GOLGA4: variants seen among roughly 807,000 people sequenced by gnomAD.
GOLGA4 encodes golgin A4, also known as golgin subfamily A member 4.
In GOLGA4, 169 loss-of-function variants were observed where a neutral mutation model predicts 265.9. The ratio of observed to expected loss-of-function variants is 0.64; its 90% confidence interval spans 0.56 to 0.72. GOLGA4 has a LOEUF of 0.72. Ranked by LOEUF, GOLGA4 falls within the 30% of genes least tolerant of loss-of-function variation. GOLGA4 has a pLI of 0.00. For missense variants in GOLGA4, 2,482 were observed against 2,483.4 expected (o/e 1.00, Z 0.01); for synonymous variants, 923 against 855.8 (o/e 1.08, Z -1.37).
At chr3:37,347,792 T>G (rs997076597) in intron 21 of GOLGA4, among the ~76,000 whole-genome samples, 1 of 152,200 alleles carries the variant, frequency 6.6e-6, no homozygotes, top group Non-Finnish European at 1.5e-5. Context: ...GTAATAATGC[T>G]TGGCTAATTT....
At chr3:37,277,774 G>A (rs1399654764) in intron 2 of GOLGA4, among the ~76,000 whole-genome samples, 1 of 151,656 alleles carries the variant, frequency 6.6e-6, no homozygotes, top group African/African-American at 2.4e-5. Flanking sequence ...GGTTCCCTAG[G>A]GTACACTTGC....
At chr3:37,328,330 C>T (rs1393523676) in intron 14 of GOLGA4, 86 bp from the exon 15 acceptor site, 1 of 1,273,868 alleles carries the variant, frequency 7.9e-7, no homozygotes, top group African/African-American at 1.5e-5. Context: ...TGAACTCATA[C>T]TGTATGCACT....
rs769526006 is a variant in GOLGA4, at chr3:37,324,473, G to T, written c.2587G>T (p.Val863Leu). ...CTELDAHKIQ[V>L]QDLMQQLEKQ... is the part of the protein sequence containing the mutation. ...TGAGTTAGATGCTCACAAAATCCAG[G>T]TGCAGGACTTAATGCAGCAACTTGA... The change falls in exon 14 of 24, where the codon GTG (valine) becomes TTG (leucine). Residue 863 changes from valine (V) to leucine (L), a missense_variant. Physicochemically the swap from Val to Leu is conservative, Grantham distance 32. Around this residue, in one of 3 missense-constraint regions of GOLGA4, gnomAD observed 1,536 missense variants for 1,483.7 expected, o/e 1.04. Transcript: ENST00000361924. The T allele has an allele frequency of 6.2e-7, 1 of 1,613,992 alleles. No homozygotes were observed. The highest frequency in any genetic ancestry group is 1.3e-5 in the African/African-American group (1 of 74,920).
In GOLGA4 at chr3:37,324,534, C is replaced by A. The variant is rs1227868610; in HGVS notation, c.2648C>A (p.Ser883Tyr). 2 of 1,613,652 alleles carry A rather than the reference C, an allele frequency of 1.2e-6. No homozygotes were observed. The highest frequency in any genetic ancestry group is 1.7e-6 in the Non-Finnish European group (2 of 1,179,914). ...QNSEMEQKVK[S>Y]LTQVYESKLE... ...AGTGAAATGGAGCAAAAAGTAAAAT[C>A]TTTAACCCAAGTCTATGAGTCCAAA... Residue 883 changes from serine (S) to tyrosine (Y), a missense_variant, in exon 14 of 24, where the codon TCT becomes TAT. By Grantham distance (144) the Ser-to-Tyr change is moderately radical. This residue lies in a region of GOLGA4 where 1,536 missense variants were observed against 1,483.7 expected (regional missense o/e 1.04). Transcript: ENST00000361924.
chr3:37,297,500 A>G (rs189206669), intron 7 of GOLGA4, among the ~76,000 whole-genome samples: 23 of 152,364 alleles, frequency 1.5e-4, no homozygotes, highest in Non-Finnish European at 2.4e-4. Context: ...AATTTTGAAT[A>G]ACAAAAGATG....
At chr3:37,298,567 C>G (rs186507240) in intron 7 of GOLGA4, among the ~76,000 whole-genome samples, 2 of 152,284 alleles carry the variant, frequency 1.3e-5, no homozygotes, top group African/African-American at 2.4e-5. Flanking sequence ...ATTTGTTAGT[C>G]CTACAAAGGC....
intron 9 of GOLGA4, among the ~76,000 whole-genome samples, chr3:37,300,507 A>G (rs982123252): frequency 4.6e-5 from 7 of 151,968 alleles, no homozygotes; most frequent in African/African-American, 1.5e-4. Flanking sequence ...AAATATTATA[A>G]TGAAGAACTT....
intron 10 of GOLGA4, among the ~76,000 whole-genome samples, chr3:37,308,227 C>CT (rs2096912721): frequency 6.7e-6 from 1 of 150,006 alleles, no homozygotes; most frequent in Non-Finnish European, 1.5e-5. Flanking sequence ...GAACGAAACT[C>CT]TGTCTCAAAA....
chr3:37,252,323 T>C lies in GOLGA4; in HGVS notation c.162+839T>C, dbSNP rs550110762. ...TTTGGTATTTGCTTGCTTCCTTTTTTTTTTTTTTTTTAATAGTTTTACCTC... is the reference window on the plus strand; with the variant it reads ...TTTGGTATTTGCTTGCTTCCTTTTTCTTTTTTTTTTTAATAGTTTTACCTC... On this transcript the variant is annotated intron_variant, in intron 2 of 23. Transcript: ENST00000361924. Among the ~76,000 whole-genome samples the C allele has an allele frequency of 5.9e-5, 9 of 151,960 alleles. No homozygotes were observed. In the South Asian group the frequency reaches 1.9e-3, roughly 32 times the overall value.
In GOLGA4 at chr3:37,335,140, C is replaced by T; in HGVS notation, c.6280C>T (p.Gln2094Ter). The T allele has an allele frequency of 6.3e-7, 1 of 1,597,494 alleles. No individual in the cohort carries two copies. The highest frequency in any genetic ancestry group is 8.6e-7 in the Non-Finnish European group (1 of 1,167,494). The change falls in exon 17 of 24, where the codon CAG becomes TAG. Residue 2094 changes from glutamine to a stop codon, truncating the protein, a stop_gained. Coordinates refer to ENST00000361924, the MANE Select transcript of GOLGA4 (RefSeq NM_002078.5). LOFTEE classifies it high-confidence loss of function. Reference protein sequence around the residue: ...LQKKYQQKLEQEENPGNDNVT... With the variant: ...LQKKYQQKLE ...GAAGAAATACCAGCAAAAGCTAGAG[C>T]AGGAGGAGAACCCTGGCAATGATAA...
chr3:37,263,237 G>A (rs2096774772), intron 2 of GOLGA4, among the ~76,000 whole-genome samples: 1 of 152,190 alleles, frequency 6.6e-6, no homozygotes, highest in African/African-American at 2.4e-5. Flanking sequence ...GCTCTACCAT[G>A]TATCCTAGGT....
chr3:37,250,788 G>A (rs1348968747), intron 1 of GOLGA4, among the ~76,000 whole-genome samples: 3 of 151,942 alleles, frequency 2.0e-5, no homozygotes, highest in Admixed American at 1.3e-4. Flanking sequence ...GTTTTTTTGC[G>A]CTGAGGGTTA....
intron 21 of GOLGA4, among the ~76,000 whole-genome samples, chr3:37,353,783 G>A (rs2097082271): frequency 6.6e-6 from 1 of 151,832 alleles, no homozygotes; most frequent in African/African-American, 2.4e-5. Context: ...TAGAGATGGG[G>A]GTCTCACTAT....
intron 2 of GOLGA4, among the ~76,000 whole-genome samples, chr3:37,261,598 CA>C (rs2096770077): frequency 1.3e-5 from 2 of 152,142 alleles, no homozygotes; most frequent in African/African-American, 4.8e-5. Context: ...TCATTGTATA[CA>C]GGCATTTGGA....
At chr3:37,323,270 C>G (rs1276814085) in intron 13 of GOLGA4, among the ~76,000 whole-genome samples, 2 of 151,772 alleles carry the variant, frequency 1.3e-5, no homozygotes, top group Non-Finnish European at 2.9e-5. Context: ...GGGACTACAG[C>G]CGCATGCTAC....
chr3:37,266,048 ATTT>A (rs149370638), intron 2 of GOLGA4, among the ~76,000 whole-genome samples: 1 of 142,802 alleles, frequency 7.0e-6, no homozygotes, highest in East Asian at 2.0e-4. Context: ...AAAAAAAAAA[ATTT>A]TAACGTTATA....
intron 23 of GOLGA4, among the ~76,000 whole-genome samples, chr3:37,363,713 T>G (rs1348484899): frequency 2.0e-5 from 3 of 152,242 alleles, no homozygotes; most frequent in Non-Finnish European, 4.4e-5. Context: ...AGTTTAATAT[T>G]AGCTAATACT....
chr3:37,345,087 G>A (rs1237560883), intron 20 of GOLGA4, among the ~76,000 whole-genome samples: 3 of 152,032 alleles, frequency 2.0e-5, no homozygotes. Flanking sequence ...ACATGTACCT[G>A]TAGTCCCAGC....
intron 16 of GOLGA4, 117 bp from the exon 17 acceptor site, chr3:37,334,936 T>C: frequency 3.3e-6 from 2 of 601,894 alleles, no homozygotes; most frequent in Non-Finnish European, 6.0e-6. Flanking sequence ...TTTATTTCCC[T>C]ACAGAGGTAG....
Sources: gnomAD v4.1 joint callset for allele counts (sites outside exome capture counted in the v4.1 genomes callset) on GRCh38, gnomAD v4.1.1 for gene constraint, gnomAD v4.1.1 regional missense constraint, MANE v1.5 for transcripts, NCBI Gene and HGNC (gene_info 2026-07-23, HGNC 2026-07-21) for gene names.